The following LDLRAD3 variants were observed in gnomAD, a reference collection of about 807,000 sequenced individuals.
The protein encoded by LDLRAD3 is low density lipoprotein receptor class A domain containing 3, also known as low-density lipoprotein receptor class A domain-containing protein 3.
Under a neutral mutation model 29.4 loss-of-function variants are expected in LDLRAD3, and 20 were observed. That is an observed-to-expected ratio of 0.68 (90% confidence interval 0.48 to 0.99). The LOEUF (loss-of-function observed/expected upper bound fraction) is 0.99, where lower values mean the gene tolerates loss of function less well. Ranked by LOEUF, LDLRAD3 falls within the 50% of genes least tolerant of loss-of-function variation. The probability of loss-of-function intolerance (pLI) is 0.00; values close to 1 mark genes in which losing one functional copy is unlikely to be tolerated. For missense variants in LDLRAD3, 420 were observed against 454.3 expected (o/e 0.92, Z 0.69); for synonymous variants, 157 against 192.7 (o/e 0.81, Z 1.53).
chr11:36,105,534 A>G (rs544565073), intron 4 of LDLRAD3, among the ~76,000 whole-genome samples: 27 of 152,298 alleles, frequency 1.8e-4, no homozygotes, highest in African/African-American at 6.3e-4. Flanking sequence ...AGATGAGGTC[A>G]TACTGGAGTT....
rs117901399 is a variant in LDLRAD3 at position 36,153,091 on chromosome 11, C to A, written c.454+54630C>A. On this transcript the variant is annotated intron_variant, in intron 4 of 5. Transcript: ENST00000315571. ...TGGCAAGTTATTTTCTCACTCTGAG[C>A]CTCAGGATCTCCAACAAAGGGGTTA... Among the ~76,000 whole-genome samples, 228 of 152,112 alleles carry A rather than the reference C, an allele frequency of 1.5e-3. 2 individuals carry two copies. Among genetic ancestry groups the A allele is most frequent in the Non-Finnish European group, 2.4e-3 (160 of 68,008 alleles).
chr11:36,161,268 C>T (rs1408232685), intron 4 of LDLRAD3, among the ~76,000 whole-genome samples: 1 of 152,088 alleles, frequency 6.6e-6, no homozygotes, highest in Non-Finnish European at 1.5e-5. Flanking sequence ...TATATTACCC[C>T]TTTGATTCCT....
At chr11:36,098,279 G>C in intron 3 of LDLRAD3, 48 bp from the exon 4 acceptor site, 1 of 1,610,238 alleles carries the variant, frequency 6.2e-7, no homozygotes, top group Non-Finnish European at 8.5e-7. Flanking sequence ...GGGTCCCCAA[G>C]GGAACTTGCT....
intron 4 of LDLRAD3, among the ~76,000 whole-genome samples, chr11:36,179,898 T>C (rs1854731964): frequency 6.6e-6 from 1 of 152,110 alleles, no homozygotes; most frequent in East Asian, 1.9e-4. Context: ...CTTGGGAGGC[T>C]GAGGTCGGAG....
At chr11:36,103,391 C>T (rs998378609) in intron 4 of LDLRAD3, among the ~76,000 whole-genome samples, 3 of 152,074 alleles carry the variant, frequency 2.0e-5, no homozygotes, top group African/African-American at 4.8e-5. Context: ...GCGCCCACCA[C>T]CACGCCCAGC....
At chr11:36,211,389 G>T (rs1217959239) in intron 4 of LDLRAD3, among the ~76,000 whole-genome samples, 1 of 152,210 alleles carries the variant, frequency 6.6e-6, no homozygotes, top group Non-Finnish European at 1.5e-5. Flanking sequence ...GCAATGCTTG[G>T]TGGGAATATA....
chr11:35,980,041 G>C (rs1449494384), intron 1 of LDLRAD3, among the ~76,000 whole-genome samples: 1 of 152,142 alleles, frequency 6.6e-6, no homozygotes, highest in Non-Finnish European at 1.5e-5. Context: ...TAAAAATGAA[G>C]CCTTTTAATT....
At chr11:36,042,338 C>T (rs1298553551) in intron 2 of LDLRAD3, among the ~76,000 whole-genome samples, 3 of 152,172 alleles carry the variant, frequency 2.0e-5, no homozygotes, top group Non-Finnish European at 4.4e-5. Flanking sequence ...GCACCTAATG[C>T]CGGCTCCACA....
chr11:36,218,453 G>A (rs1443348922), intron 4 of LDLRAD3, among the ~76,000 whole-genome samples: 2 of 152,194 alleles, frequency 1.3e-5, no homozygotes, highest in Admixed American at 1.3e-4. Context: ...ACTTGTGGGA[G>A]TATTGCAAAA....
intron 5 of LDLRAD3, among the ~76,000 whole-genome samples, chr11:36,228,477 G>A (rs1342712178): frequency 6.6e-6 from 1 of 152,134 alleles, no homozygotes; most frequent in African/African-American, 2.4e-5. Flanking sequence ...TTCTGATGCT[G>A]GGCCAGACAT....
intron 4 of LDLRAD3, among the ~76,000 whole-genome samples, chr11:36,222,438 C>A: frequency 6.6e-6 from 1 of 152,054 alleles, no homozygotes; most frequent in East Asian, 1.9e-4. Flanking sequence ...AGCTCCTCCA[C>A]CACCCTGGGT....
chr11:36,149,312 C>G (rs1056611122), intron 4 of LDLRAD3, among the ~76,000 whole-genome samples: 1 of 152,236 alleles, frequency 6.6e-6, no homozygotes, highest in East Asian at 1.9e-4. Context: ...CAGATAAAAT[C>G]TACAAAAGAA....
chr11:35,999,210 C>T (rs1368546459), intron 1 of LDLRAD3, among the ~76,000 whole-genome samples: 2 of 152,136 alleles, frequency 1.3e-5, no homozygotes, highest in African/African-American at 2.4e-5. Context: ...GTGTAGAGAA[C>T]AGACTTACAA....
chr11:36,205,841 G>A (rs944122070), intron 4 of LDLRAD3, among the ~76,000 whole-genome samples: 4 of 152,212 alleles, frequency 2.6e-5, no homozygotes, highest in African/African-American at 9.6e-5. Context: ...AGGGTGGCCA[G>A]CAAATGCTCA....
At chr11:35,983,539 G>C (rs1851569950) in intron 1 of LDLRAD3, among the ~76,000 whole-genome samples, 1 of 152,210 alleles carries the variant, frequency 6.6e-6, no homozygotes, top group Non-Finnish European at 1.5e-5. Flanking sequence ...GACCCCTGTA[G>C]GGGGGTGTGT....
At chr11:36,095,072 G>A (rs1419286324) in intron 3 of LDLRAD3, among the ~76,000 whole-genome samples, 1 of 151,748 alleles carries the variant, frequency 6.6e-6, no homozygotes, top group African/African-American at 2.4e-5. Context: ...TGTAGTCCTG[G>A]CTACTCAGGA....
intron 4 of LDLRAD3, among the ~76,000 whole-genome samples, chr11:36,162,159 G>A (rs993712954): frequency 3.9e-5 from 6 of 152,288 alleles, no homozygotes; most frequent in Middle Eastern, 6.8e-3. Flanking sequence ...AATTCCTGGC[G>A]TGGTATTTTT....
chr11:36,040,257 T>G (rs1209928856), intron 2 of LDLRAD3, among the ~76,000 whole-genome samples: 1 of 152,140 alleles, frequency 6.6e-6, no homozygotes, highest in Non-Finnish European at 1.5e-5. Context: ...GAGCAGCTCT[T>G]CTGTATCCAC....
rs187719563 is a variant in LDLRAD3, at chr11:36,030,199, T to C, written c.47-5904T>C. On this transcript the variant is annotated intron_variant, in intron 1 of 5. Transcript: ENST00000315571. ...ATCTTCGCCCCAAACTCAGACAGCC[T>C]TGTGTGACTCTTCTTGGTGACAGCT... Among the ~76,000 whole-genome samples the C allele has an allele frequency of 2.4e-3, 364 of 152,276 alleles. 1 individual carries two copies. Among genetic ancestry groups the C allele is most frequent in the Admixed American group, 3.5e-3 (54 of 15,294 alleles).
Sources: allele counts gnomAD v4.1 joint callset (sites outside exome capture counted in the v4.1 genomes callset), GRCh38; gene constraint gnomAD v4.1.1; transcripts MANE v1.5; gene names NCBI Gene and HGNC (gene_info 2026-07-23, HGNC 2026-07-21).